Variants in RBM47 observed in about 807,000 individuals in gnomAD.
RBM47 encodes the protein RNA-binding protein 47.
In RBM47, 21 loss-of-function variants were observed where a neutral mutation model predicts 47.1. That is an observed-to-expected ratio of 0.45 (90% CI 0.32 to 0.64). The LOEUF (loss-of-function observed/expected upper bound fraction) is 0.64. Among genes scored for constraint, RBM47 ranks in the 30% least tolerant of loss-of-function variants. RBM47 has a pLI of 0.05. For missense variants in RBM47, 708 were observed against 870.9 expected (o/e 0.81, Z 2.35); for synonymous variants, 375 against 361.7 (o/e 1.04, Z -0.42).
At chr4:40,599,257 C>A (rs372443975) in intron 1 of RBM47, among the ~76,000 whole-genome samples, 284 of 127,898 alleles carry the variant, frequency 2.2e-3, no homozygotes, top group Non-Finnish European at 2.5e-3. Context: ...GACTCCGTCT[C>A]AAAAAAAAAA....
chr4:40,577,537 T>G (rs1313912552), intron 1 of RBM47, among the ~76,000 whole-genome samples: 5 of 150,960 alleles, frequency 3.3e-5, no homozygotes, highest in African/African-American at 1.2e-4. Flanking sequence ...TTAGATTCTG[T>G]TTAAAAAAAA....
At chr4:40,508,145 G>C (rs1388861670) in intron 2 of RBM47, among the ~76,000 whole-genome samples, 2 of 152,190 alleles carry the variant, frequency 1.3e-5, no homozygotes, top group Admixed American at 6.5e-5. Context: ...CAGCGTTCTG[G>C]CATTGTCTTT....
chr4:40,453,450 T>A (rs1029544376), intron 3 of RBM47, among the ~76,000 whole-genome samples: 19 of 152,236 alleles, frequency 1.2e-4, no homozygotes, highest in African/African-American at 1.2e-4. Context: ...TAGAGACAGA[T>A]GGAAATTATG....
intron 2 of RBM47, among the ~76,000 whole-genome samples, chr4:40,525,027 T>TGG (rs746033058): frequency 6.6e-6 from 1 of 152,142 alleles, no homozygotes; most frequent in Non-Finnish European, 1.5e-5. Context: ...TGATCCAGTA[T>TGG]GGGGGTAAGG....
intron 3 of RBM47, among the ~76,000 whole-genome samples, chr4:40,458,830 G>A (rs1222546591): frequency 6.6e-6 from 1 of 151,952 alleles, no homozygotes; most frequent in African/African-American, 2.4e-5. Context: ...TTAAAAAACA[G>A]GTCCTTCTGC....
chr4:40,439,400 A>T (rs571022415), intron 3 of RBM47, among the ~76,000 whole-genome samples: 1 of 152,308 alleles, frequency 6.6e-6, no homozygotes, highest in African/African-American at 2.4e-5. Flanking sequence ...TGAAGATTTT[A>T]AATTATTAAA....
chr4:40,527,492 T>C (rs1354636262), intron 2 of RBM47, among the ~76,000 whole-genome samples: 1 of 146,156 alleles, frequency 6.8e-6, no homozygotes, highest in East Asian at 2.0e-4. Flanking sequence ...GGTTTCACCA[T>C]GTTGGCCAGG....
At chr4:40,629,121 T>C (rs1737999778) in intron 1 of RBM47, among the ~76,000 whole-genome samples, 1 of 151,594 alleles carries the variant, frequency 6.6e-6, no homozygotes, top group African/African-American at 2.4e-5. Context: ...AAAAAAAAAA[T>C]CAGTTTCTTT....
At chr4:40,584,981 T>C (rs977184768) in intron 1 of RBM47, among the ~76,000 whole-genome samples, 2 of 152,218 alleles carry the variant, frequency 1.3e-5, no homozygotes, top group African/African-American at 4.8e-5. Flanking sequence ...GCAGTGACCA[T>C]ATCTACAGGT....
Position 40,423,743 on chromosome 4 carries a change from T to G in RBM47, c.*2161A>C, listed in dbSNP as rs1714685754. 1 of 151,572 alleles carries G rather than the reference T, an allele frequency of 6.6e-6. No homozygotes were observed. 9.4% of individuals were successfully genotyped at this position (151,572 alleles called of 1,614,324 possible). On this transcript the variant is annotated 3_prime_UTR_variant, in exon 7 of 7. Transcript: ENST00000295971. Reference sequence around the variant, plus strand: ...TTTCTTTTCTTTCTTCCTCTTCTTCTTCTTTTTTGCAAATAATTTACAGGC... The same window carrying G: ...TTTCTTTTCTTTCTTCCTCTTCTTCGTCTTTTTTGCAAATAATTTACAGGC...
At chr4:40,558,257 A>G (rs1316792933) in intron 1 of RBM47, among the ~76,000 whole-genome samples, 1 of 152,180 alleles carries the variant, frequency 6.6e-6, no homozygotes, top group African/African-American at 2.4e-5. Context: ...AGGCTCAGAA[A>G]TCATTTTTTC....
intron 2 of RBM47, among the ~76,000 whole-genome samples, chr4:40,512,955 C>A (rs910371276): frequency 1.4e-4 from 22 of 152,082 alleles, no homozygotes; most frequent in Non-Finnish European, 1.3e-4. Context: ...ATCCACTTGT[C>A]AAAAGTTACA....
chr4:40,591,316 A>G (rs10049731), intron 1 of RBM47, among the ~76,000 whole-genome samples: 7,802 of 152,224 alleles, frequency 0.051, 642 homozygotes, highest in African/African-American at 0.17. Context: ...ACAGAATTGT[A>G]TACTTTAAAA....
chr4:40,566,163 C>T (rs1731085046), intron 1 of RBM47, among the ~76,000 whole-genome samples: 1 of 152,116 alleles, frequency 6.6e-6, no homozygotes, highest in African/African-American at 2.4e-5. Context: ...AAAAGAGCAA[C>T]TTGGTGGAAG....
At chr4:40,546,380 C>G (rs952998766) in intron 1 of RBM47, among the ~76,000 whole-genome samples, 1 of 152,072 alleles carries the variant, frequency 6.6e-6, no homozygotes, top group Non-Finnish European at 1.5e-5. Context: ...GAACTCCTGA[C>G]CTCATGTGAT....
intron 1 of RBM47, among the ~76,000 whole-genome samples, chr4:40,604,241 C>G: frequency 6.6e-6 from 1 of 152,120 alleles, no homozygotes; most frequent in East Asian, 1.9e-4. Context: ...TCCAGAAGAT[C>G]TGAGATGCTT....
intron 5 of RBM47, among the ~76,000 whole-genome samples, chr4:40,434,002 GGTGT>G (rs1166329290): frequency 0.12 from 5,314 of 45,646 alleles, 916 homozygotes; most frequent in East Asian, 0.36. Flanking sequence ...GTGGGGCGGG[GGTGT>G]GTGTGTGTGT....
chr4:40,467,179 A>AG lies in RBM47; in HGVS notation c.-154-481dup, dbSNP rs578013581. Among the ~76,000 whole-genome samples the AG allele has an allele frequency of 5.8e-4, 89 of 152,302 alleles. 2 individuals carry two copies. In the East Asian group the frequency reaches 0.016, roughly 27 times the overall value. ...TAATAGATCTTCAAACTCTTCCTGC[A>AG]GGGTCCAGAGAGGGTTCCCAAAACC... On this transcript the variant is annotated intron_variant, in intron 2 of 6. Transcript: ENST00000295971.
chr4:40,501,588 T>C (rs906630503), intron 2 of RBM47, among the ~76,000 whole-genome samples: 3 of 152,218 alleles, frequency 2.0e-5, no homozygotes, highest in African/African-American at 7.2e-5. Context: ...TCATTTAATT[T>C]TAAACAAATT....
Sources: gnomAD v4.1 joint callset for allele counts (sites outside exome capture counted in the v4.1 genomes callset) on GRCh38, gnomAD v4.1.1 for gene constraint, MANE v1.5 for transcripts, NCBI Gene and HGNC (gene_info 2026-07-23, HGNC 2026-07-21) for gene names.